The following SLC25A48 variants were observed in gnomAD, a reference collection of about 807,000 sequenced individuals.
SLC25A48 encodes the protein CTC-321K16.1.
In SLC25A48, 29 loss-of-function variants were observed where a neutral mutation model predicts 32.2. That is an observed-to-expected ratio of 0.90 (90% CI 0.67 to 1.23). The LOEUF (loss-of-function observed/expected upper bound fraction) is 1.23. SLC25A48 is among the 50% of genes most tolerant of loss of function. The pLI, the probability that SLC25A48 is intolerant of heterozygous loss-of-function variation, is 0.00. For synonymous variants in SLC25A48, 164 were observed against 172.3 expected (o/e 0.95, Z 0.38); for missense variants, 399 against 422.7 (o/e 0.94, Z 0.49).
intron 3 of SLC25A48, among the ~76,000 whole-genome samples, chr5:135,699,497 A>G (rs1224684932): frequency 6.6e-6 from 1 of 152,152 alleles, no homozygotes; most frequent in Non-Finnish European, 1.5e-5. Context: ...CAACTTGTCT[A>G]CGATGATGGA....
intron 3 of SLC25A48, among the ~76,000 whole-genome samples, chr5:135,714,460 C>T (rs972631065): frequency 5.3e-5 from 8 of 152,190 alleles, no homozygotes; most frequent in African/African-American, 9.7e-5. Context: ...TTCAGTGTGG[C>T]GCCCGCTGGA....
chr5:135,882,614 TC>T (rs1369016069), intron 7 of SLC25A48, among the ~76,000 whole-genome samples: 1 of 152,028 alleles, frequency 6.6e-6, no homozygotes, highest in African/African-American at 2.4e-5. Context: ...CATGGAGATA[TC>T]CCCCAGCTTT....
At chr5:135,593,095 T>C (rs1244913019) in intron 1 of SLC25A48, among the ~76,000 whole-genome samples, 2 of 152,136 alleles carry the variant, frequency 1.3e-5, no homozygotes, top group East Asian at 3.9e-4. Flanking sequence ...TAGTGAGGGC[T>C]CAGGTCTGAG....
At chr5:135,789,725 C>T (rs1213684131) in intron 3 of SLC25A48, among the ~76,000 whole-genome samples, 1 of 89,094 alleles carries the variant, frequency 1.1e-5, no homozygotes, top group Admixed American at 1.1e-4. Context: ...TGATATGGTT[C>T]TTAATATTAA....
chr5:135,853,290 T>A (rs1760043757), intron 4 of SLC25A48, among the ~76,000 whole-genome samples: 1 of 152,166 alleles, frequency 6.6e-6, no homozygotes, highest in Non-Finnish European at 1.5e-5. Flanking sequence ...TTTCTTAAAA[T>A]AAGACAACAA....
chr5:135,753,963 C>T (rs7380956), intron 3 of SLC25A48, among the ~76,000 whole-genome samples: 61,641 of 151,738 alleles, frequency 0.41, 14,367 homozygotes, highest in Non-Finnish European at 0.52. Context: ...AGTCATATTT[C>T]GAGGATATTT....
upstream of SLC25A48, among the ~76,000 whole-genome samples, chr5:135,831,226 C>T (rs1331562766): frequency 6.6e-6 from 1 of 152,154 alleles, no homozygotes; most frequent in Non-Finnish European, 1.5e-5. Flanking sequence ...ATGATGTGAC[C>T]ACCTCTTCAG....
chr5:135,672,297 G>A (rs1753674022), intron 3 of SLC25A48, among the ~76,000 whole-genome samples: 2 of 152,206 alleles, frequency 1.3e-5, no homozygotes, highest in Admixed American at 1.3e-4. Context: ...TGGGTTTTGG[G>A]CCTGAAATGA....
At chr5:135,796,755 C>T (rs1005245987) in intron 3 of SLC25A48, among the ~76,000 whole-genome samples, 1 of 151,448 alleles carries the variant, frequency 6.6e-6, no homozygotes, top group Non-Finnish European at 1.5e-5. Flanking sequence ...GGTGTGTAAC[C>T]ACCCACTTGT....
chr5:135,870,730 T>G (rs190703618), intron 4 of SLC25A48, among the ~76,000 whole-genome samples: 2 of 152,202 alleles, frequency 1.3e-5, no homozygotes, highest in Non-Finnish European at 2.9e-5. Context: ...TTTAAGCCCC[T>G]ACAATGTTCA....
At chr5:135,670,253 T>C (rs1021098371) in intron 3 of SLC25A48, among the ~76,000 whole-genome samples, 1 of 152,184 alleles carries the variant, frequency 6.6e-6, no homozygotes, top group African/African-American at 2.4e-5. Flanking sequence ...CCAGCCTTTC[T>C]GGTTTCTTGA....
intron 3 of SLC25A48, among the ~76,000 whole-genome samples, chr5:135,801,525 TG>T (rs1757326830): frequency 1.3e-5 from 2 of 150,042 alleles, no homozygotes; most frequent in Non-Finnish European, 3.0e-5. Flanking sequence ...TAATATTCAG[TG>T]GGGGAAGAAG....
At position 135,647,661 on chromosome 5, in the gene SLC25A48, A is replaced by G. The variant is rs547701807; in HGVS notation, c.-521+12705A>G. Among the ~76,000 whole-genome samples, 5 of 152,226 alleles carry G rather than the reference A, an allele frequency of 3.3e-5. No homozygotes were observed. In the East Asian group the frequency reaches 9.7e-4, roughly 29 times the overall value. ...CCTGGGCTCTGGGACACATGGACAC[A>G]TGAAGTCTTTGCATTGTGCTCATGG... On this transcript the variant is annotated intron_variant, in intron 3 of 10. Coordinates refer to the SLC25A48 transcript ENST00000646290.
chr5:135,875,106 A>T (rs6872507), intron 6 of SLC25A48: 10,068 of 171,088 alleles, frequency 0.059, 760 homozygotes, highest in African/African-American at 0.18. Context: ...TAGTATTATC[A>T]GTGTTGATTT....
chr5:135,819,502 A>G (rs1757826007), intron 4 of SLC25A48, among the ~76,000 whole-genome samples: 1 of 152,228 alleles, frequency 6.6e-6, no homozygotes, highest in South Asian at 2.1e-4. Context: ...ATCATACAAA[A>G]GCATACACTT....
chr5:135,852,790 G>T lies in SLC25A48; in HGVS notation c.390G>T (p.Arg130=), dbSNP rs201918730. The T allele has an allele frequency of 6.2e-7, 1 of 1,612,586 alleles. No homozygotes were observed. Among genetic ancestry groups the T allele is most frequent in the Admixed American group, 1.7e-5 (1 of 60,010 alleles). The part of the protein sequence containing the change: ...LGGPVDLIKI[R]LQMQTQPFRD... ...GGCCCGTGGACCTCATCAAGATCCG[G>T]TTGCAGATGCAGACACAACCGTTTC... The change falls in exon 4 of 8, where the codon CGG becomes CGT. Residue 130 remains arginine (R), a synonymous_variant. Coordinates refer to ENST00000681962, the MANE Select transcript of SLC25A48 (RefSeq NM_001349336.2).
At chr5:135,647,498 CTG>C (rs1752992374) in intron 3 of SLC25A48, among the ~76,000 whole-genome samples, 1 of 151,878 alleles carries the variant, frequency 6.6e-6, no homozygotes, top group Admixed American at 6.6e-5. Context: ...CCCCAAATCT[CTG>C]TAATCTGGGG....
chr5:135,728,711 T>C (rs574914822), intron 3 of SLC25A48, among the ~76,000 whole-genome samples: 1 of 152,204 alleles, frequency 6.6e-6, no homozygotes, highest in Non-Finnish European at 1.5e-5. Flanking sequence ...GTTTTTCTGA[T>C]GTCAGATGAA....
At chr5:135,726,673 C>T (rs1755098076) in intron 3 of SLC25A48, among the ~76,000 whole-genome samples, 1 of 152,216 alleles carries the variant, frequency 6.6e-6, no homozygotes, top group African/African-American at 2.4e-5. Flanking sequence ...CTGAGTAGCA[C>T]TCCATGGTGT....
Sources: gnomAD v4.1 joint callset for allele counts (sites outside exome capture counted in the v4.1 genomes callset) on GRCh38, gnomAD v4.1.1 for gene constraint, MANE v1.5 for transcripts, NCBI Gene and HGNC (gene_info 2026-07-23, HGNC 2026-07-21) for gene names.